NTRK1: variants seen among roughly 807,000 people sequenced by gnomAD.
The protein encoded by NTRK1 is high affinity nerve growth factor receptor.
Under a neutral mutation model 86.8 loss-of-function variants are expected in NTRK1, and 62 were observed. The ratio of observed to expected loss-of-function variants is 0.71; its 90% CI spans 0.58 to 0.88. NTRK1 has a LOEUF of 0.88. Ranked by LOEUF, NTRK1 falls within the 40% of genes least tolerant of loss-of-function variation. The probability of loss-of-function intolerance (pLI) is 0.00; values close to 1 mark genes in which losing one functional copy is unlikely to be tolerated. For missense variants in NTRK1, 967 were observed against 1,078.4 expected (o/e 0.90, Z 1.45); for synonymous variants, 469 against 456.6 (o/e 1.03, Z -0.35).
intron 1 of NTRK1, among the ~76,000 whole-genome samples, chr1:156,826,076 T>C (rs1032173532): frequency 6.6e-6 from 1 of 152,072 alleles, no homozygotes; most frequent in Non-Finnish European, 1.5e-5. Context: ...CCCCCACAGA[T>C]GGGTGGGCAC....
intron 6 of NTRK1, among the ~76,000 whole-genome samples, chr1:156,870,490 G>A (rs1647490839): frequency 6.6e-6 from 1 of 152,174 alleles, no homozygotes; most frequent in South Asian, 2.1e-4. Context: ...AGAGTTATTG[G>A]CCCCACAGTA....
At chr1:156,866,628 A>T (rs1054447755) in intron 3 of NTRK1, among the ~76,000 whole-genome samples, 1 of 151,986 alleles carries the variant, frequency 6.6e-6, no homozygotes, top group Non-Finnish European at 1.5e-5. Flanking sequence ...TGGGGGAGGG[A>T]GGAGCGGCTG....
chr1:156,844,503 C>G, intron 2 of NTRK1: 1 of 1,614,138 alleles, frequency 6.2e-7, no homozygotes, highest in South Asian at 1.1e-5. Flanking sequence ...TGTCCAAGAG[C>G]CATTGCCAGC....
At position 156,881,776 on chromosome 1, in the gene NTRK1, G is replaced by A; in HGVS notation, c.*134G>A. On this transcript the variant is annotated 3_prime_UTR_variant, in exon 17 of 17. Transcript: ENST00000524377. Reference sequence around the variant, plus strand: ...CCTCAGCATGTGGGAAGGGACAGGTGGGGGCTGGGAGTAGAGGATGTTCCT... The same window carrying A: ...CCTCAGCATGTGGGAAGGGACAGGTAGGGGCTGGGAGTAGAGGATGTTCCT... 2.3e-6 allele frequency: 2 copies of A among 884,504 alleles called. No homozygotes were observed. The highest frequency in any genetic ancestry group is 3.1e-5 in the Admixed American group (1 of 32,474). 54.8% of individuals were successfully genotyped at this position (884,504 alleles called of 1,614,324 possible). A position where few individuals can be genotyped will look rare whatever the true frequency, so the allele number is the denominator to read the frequency against.
chr1:156,879,979 G>T lies in NTRK1; in HGVS notation c.2047-20G>T. 3.1e-6 allele frequency: 5 copies of T among 1,611,912 alleles called. No individual in the cohort carries two copies. Among genetic ancestry groups the T allele is most frequent in the Non-Finnish European group, 4.2e-6 (5 of 1,179,970 alleles). Reference sequence around the variant, plus strand: ...TGTCCCAGGCGCCCCTGGAATTGATGCAGTGTCCGCCCGTGGCAGGTGGGA... The same window carrying T: ...TGTCCCAGGCGCCCCTGGAATTGATTCAGTGTCCGCCCGTGGCAGGTGGGA... On this transcript the variant is annotated intron_variant, in intron 15 of 16. Transcript: ENST00000524377.
At chr1:156,859,670 T>A (rs1655540279), upstream of NTRK1, among the ~76,000 whole-genome samples, 1 of 151,760 alleles carries the variant, frequency 6.6e-6, no homozygotes, top group Non-Finnish European at 1.5e-5. This position sits in a 1 kb window ranked among gnomAD's most constrained non-coding sequence, Gnocchi z 6.2. Context: ...TCTGCCTCCG[T>A]CTGGTCACCT....
At chr1:156,859,471 C>G, upstream of NTRK1, among the ~76,000 whole-genome samples, 1 of 152,300 alleles carries the variant, frequency 6.6e-6, no homozygotes, top group African/African-American at 2.4e-5. This position sits in a 1 kb window ranked among gnomAD's most constrained non-coding sequence, Gnocchi z 6.2. Flanking sequence ...GCCTTGACAT[C>G]TGCGGGGTAA....
At chr1:156,872,923 C>T (rs544931986) in intron 7 of NTRK1, among the ~76,000 whole-genome samples, 75 of 152,056 alleles carry the variant, frequency 4.9e-4, no homozygotes, top group Non-Finnish European at 9.1e-4. Flanking sequence ...GTGATCCGCC[C>T]GCCTCGGCCT....
chr1:156,860,821 T>C, upstream of NTRK1: 1 of 1,343,104 alleles, frequency 7.4e-7, no homozygotes, highest in Non-Finnish European at 9.5e-7. Context: ...CTCCGCCCTT[T>C]CCTGGCGGCT....
intron 1 of NTRK1, among the ~76,000 whole-genome samples, chr1:156,833,509 A>G (rs1422813612): frequency 6.6e-6 from 1 of 151,884 alleles, no homozygotes; most frequent in African/African-American, 2.4e-5. Flanking sequence ...GTGAGCTGAA[A>G]TCGCACCACT....
At chr1:156,867,535 T>C (rs1006281751) in intron 4 of NTRK1, among the ~76,000 whole-genome samples, 1 of 152,234 alleles carries the variant, frequency 6.6e-6, no homozygotes, top group Non-Finnish European at 1.5e-5. Context: ...GGTTTTGCCA[T>C]GTTGCCCAGG....
intron 2 of NTRK1, chr1:156,845,029 C>T: frequency 6.4e-7 from 1 of 1,566,318 alleles, no homozygotes; most frequent in Non-Finnish European, 8.7e-7. Flanking sequence ...GCACAGGGTC[C>T]TTGGGGTCGG....
rs1454059605 is a variant in NTRK1 at position 156,880,117 on chromosome 1, C to A, written c.2165C>A (p.Thr722Asn). 6.2e-7 allele frequency: 1 copy of A among 1,613,520 alleles called. No homozygotes were observed. The highest frequency in any genetic ancestry group is 8.5e-7 in the Non-Finnish European group (1 of 1,179,988). The part of the protein sequence containing the change: ...SFGVVLWEIF[T>N]YGKQPWYQLS... ...GGCGTGGTGCTCTGGGAGATCTTCA[C>A]CTACGGCAAGCAGCCCTGGTACCAG... is the stretch of plus-strand genomic sequence containing the variant. Residue 722 changes from threonine (T) to asparagine (N), a missense_variant, in exon 16 of 17, where the codon ACC becomes AAC. By Grantham distance (65) the Thr-to-Asn change is moderately conservative (BLOSUM62 0). Coordinates refer to ENST00000524377, the MANE Select transcript of NTRK1 (RefSeq NM_002529.4).
At chr1:156,829,538 C>A in intron 1 of NTRK1, among the ~76,000 whole-genome samples, 1 of 152,196 alleles carries the variant, frequency 6.6e-6, no homozygotes, top group Middle Eastern at 3.4e-3. Flanking sequence ...GACAGGGAGG[C>A]CCTTGGGGAT....
chr1:156,854,911 G>A lies in NTRK1; in HGVS notation c.51-9443G>A, dbSNP rs1655354606. 6.6e-6 allele frequency among the ~76,000 whole-genome samples: 1 copy of A among 152,022 alleles called. No individual in the cohort carries two copies. The highest frequency in any genetic ancestry group is 1.5e-5 in the Non-Finnish European group (1 of 68,006). On this transcript the variant is annotated intron_variant, in intron 2 of 16. Coordinates refer to the NTRK1 transcript ENST00000392302. The surrounding 1 kb of genome is among the most constrained non-coding windows in gnomAD (Gnocchi z 4.2). The stretch of plus-strand genomic sequence containing the variant: ...TTCCATCTCTCTTGATCTTACTACA[G>A]CCTACAGGGCCCTGCACAGTTTGAG...
At position 156,880,079 on chromosome 1, in the gene NTRK1, C is replaced by T. The variant is rs777306969; in HGVS notation, c.2127C>T (p.Asp709=). 25 of 1,613,706 alleles carry T rather than the reference C, an allele frequency of 1.5e-5. No homozygotes were observed. Among genetic ancestry groups the T allele is most frequent in the Admixed American group, 5.0e-5 (3 of 60,010 alleles). ...ILYRKFTTES[D]VWSFGVVLWE... ...ACCGTAAGTTCACCACCGAGAGCGA[C>T]GTGTGGAGCTTCGGCGTGGTGCTCT... is the stretch of plus-strand genomic sequence containing the variant. Residue 709 remains aspartate, a synonymous_variant, in exon 16 of 17, where the codon GAC becomes GAT. Coordinates refer to ENST00000524377, the MANE Select transcript of NTRK1 (RefSeq NM_002529.4).
At chr1:156,817,156 G>A (rs1654022918) in intron 1 of NTRK1, among the ~76,000 whole-genome samples, 1 of 151,648 alleles carries the variant, frequency 6.6e-6, no homozygotes, top group Admixed American at 6.6e-5. Flanking sequence ...TGGGAATGGG[G>A]ATGTCAACCT....
chr1:156,869,994 T>C (rs1647457658), intron 6 of NTRK1, among the ~76,000 whole-genome samples: 1 of 152,126 alleles, frequency 6.6e-6, no homozygotes, highest in African/African-American at 2.4e-5. Context: ...CCTGGAACCA[T>C]GTTGAGGGAG....
At position 156,826,834 on chromosome 1, in the gene NTRK1, C is replaced by T. The variant is rs562869501; in HGVS notation, c.-64+10996C>T. 6.6e-4 allele frequency among the ~76,000 whole-genome samples: 100 copies of T among 152,338 alleles called. No individual in the cohort carries two copies. In the Middle Eastern group the frequency reaches 0.01, roughly 16 times the overall value. ...CAACATCATGAGCAATCATAACATA[C>T]TCCCACAACACTACTGAAAGGAGCA... On this transcript the variant is annotated intron_variant, in intron 1 of 16. Coordinates refer to the NTRK1 transcript ENST00000392302.
Sources: allele counts gnomAD v4.1 joint callset (sites outside exome capture counted in the v4.1 genomes callset), GRCh38; gene constraint gnomAD v4.1.1; non-coding constraint Gnocchi (gnomAD v3.1); transcripts MANE v1.5; gene names NCBI Gene and HGNC (gene_info 2026-07-23, HGNC 2026-07-21).